The following DYNC2H1 variants were observed in gnomAD, a reference collection of about 807,000 sequenced individuals.
DYNC2H1 encodes cytoplasmic dynein 2 heavy chain 1.
A neutral mutation model predicts 570.0 loss-of-function variants in DYNC2H1; 410 were observed. That is an observed-to-expected ratio of 0.72 (90% confidence interval 0.66 to 0.78). The LOEUF is 0.78. Among genes scored for constraint, DYNC2H1 ranks in the 30% least tolerant of loss-of-function variants. The probability of loss-of-function intolerance (pLI) is 0.00; values close to 1 mark genes in which losing one functional copy is unlikely to be tolerated. For missense variants in DYNC2H1, 4,865 were observed against 5,046.4 expected, an observed-to-expected ratio of 0.96 and a Z score of 1.09; for synonymous variants, 1,688 against 1,677.6, an observed-to-expected ratio of 1.01 and a Z score of -0.15.
At chr11:103,197,697 C>T (rs1316522511) in intron 47 of DYNC2H1, among the ~76,000 whole-genome samples, 1 of 152,168 alleles carries the variant, frequency 6.6e-6, no homozygotes, top group Non-Finnish European at 1.5e-5. Context: ...ATCCTCCTGC[C>T]TTGGCCTCCA....
chr11:103,342,360 C>T (rs2135487937), intron 82 of DYNC2H1, among the ~76,000 whole-genome samples: 1 of 152,240 alleles, frequency 6.6e-6, no homozygotes, highest in African/African-American at 2.4e-5. Context: ...ATCAGCAGGA[C>T]ATGGGCGGGG....
Position 103,459,958 on chromosome 11 carries a change from CAAAAAAAAAAGAA to C in DYNC2H1, c.12648+3613_12648+3625del, listed in dbSNP as rs1318990822. ...TGGGCGACAGAGCGAGACTCCGTCT[CAAAAAAAAAAGAA>C]AAAAAAAAAAAAGCTGAAGGACTTA... On this transcript the variant is annotated intron_variant, in intron 87 of 88. Transcript: ENST00000375735. 3.3e-3 allele frequency among the ~76,000 whole-genome samples: 232 copies of C among 70,864 alleles called. 8 individuals carry two copies. In the East Asian group the frequency reaches 0.096, roughly 29 times the overall value. 46.5% of individuals were successfully genotyped at this position (70,864 alleles called of 152,430 possible).
chr11:103,331,489 A>T (rs1385242161), intron 82 of DYNC2H1, among the ~76,000 whole-genome samples: 1 of 152,178 alleles, frequency 6.6e-6, no homozygotes, highest in Non-Finnish European at 1.5e-5. Context: ...TGCACTGCAA[A>T]AATCACCCTC....
intron 65 of DYNC2H1, 128 bp from the exon 66 acceptor site, chr11:103,253,157 C>G: frequency 1.1e-6 from 1 of 882,764 alleles, no homozygotes; most frequent in Non-Finnish European, 1.6e-6. Flanking sequence ...TCAGGTAACC[C>G]AACTTTTGCC....
rs1289725354 is a variant in DYNC2H1 at position 103,152,210 on chromosome 11, A to G, written c.3021A>G (p.Thr1007=). 6.2e-7 allele frequency: 1 copy of G among 1,609,858 alleles called. No homozygotes were observed. The highest frequency in any genetic ancestry group is 8.5e-7 in the Non-Finnish European group (1 of 1,178,602). Residue 1007 remains threonine (T), a synonymous_variant, in exon 21 of 89, where the codon ACA becomes ACG. Transcript: ENST00000375735. ...CTGTGGCTGGTGGAGGTTTAGAAAC[A>G]ATTAGTAATTTGAAAGCCAAGTGGG... is the stretch of plus-strand genomic sequence containing the variant. ...LRTVAGGGLE[T]ISNLKAKWDK... is the part of the protein sequence containing the mutation.
At chr11:103,448,887 C>T (rs1224420612) in intron 85 of DYNC2H1, among the ~76,000 whole-genome samples, 4 of 151,724 alleles carry the variant, frequency 2.6e-5, no homozygotes, top group Non-Finnish European at 5.9e-5. Flanking sequence ...AGGTATAAAA[C>T]TATAGGTATT....
chr11:103,383,252 G>T (rs542691531), intron 83 of DYNC2H1, among the ~76,000 whole-genome samples: 3 of 152,276 alleles, frequency 2.0e-5, no homozygotes, highest in Non-Finnish European at 4.4e-5. Flanking sequence ...TCACGTTCTT[G>T]TATAGAAATT....
At chr11:103,155,600 G>A in intron 25 of DYNC2H1, 99 bp downstream of exon 25, 1 of 1,189,214 alleles carries the variant, frequency 8.4e-7, no homozygotes, top group Non-Finnish European at 1.1e-6. Flanking sequence ...CTTCCTTTAA[G>A]GGAATCAGCT....
In DYNC2H1 at chr11:103,197,425, A is replaced by G. The variant is rs533281864; in HGVS notation, c.7709-508A>G. 7.2e-5 allele frequency among the ~76,000 whole-genome samples: 11 copies of G among 152,042 alleles called. No individual in the cohort carries two copies. The South Asian group carries it at 2.3e-3, about 32-fold the overall frequency. ...TTTTCAGGTAGAGTTTGATATTGCA[A>G]TTGAAGGTCTTTGTATTTCTTTTCT... On this transcript the variant is annotated intron_variant, in intron 47 of 88. Coordinates refer to ENST00000375735, the MANE Select transcript of DYNC2H1 (RefSeq NM_001377.3).
intron 84 of DYNC2H1, among the ~76,000 whole-genome samples, chr11:103,431,518 T>TA (rs1054015837): frequency 6.6e-6 from 1 of 152,158 alleles, no homozygotes; most frequent in Non-Finnish European, 1.5e-5. Flanking sequence ...ATGGAAATTA[T>TA]AATATTAAGT....
At chr11:103,317,046 T>G (rs1464543110) in intron 80 of DYNC2H1, among the ~76,000 whole-genome samples, 2 of 152,082 alleles carry the variant, frequency 1.3e-5, no homozygotes, top group African/African-American at 2.4e-5. Context: ...ATAAAGCCAT[T>G]TAATCTGACC....
intron 60 of DYNC2H1, among the ~76,000 whole-genome samples, chr11:103,233,828 T>TTG (rs1555076317): frequency 4.0e-5 from 2 of 50,122 alleles, no homozygotes; most frequent in African/African-American, 8.9e-5. Context: ...ATGCTACACT[T>TTG]TATGTGTGTG....
chr11:103,375,204 C>T (rs184820370), intron 83 of DYNC2H1, among the ~76,000 whole-genome samples: 62 of 152,280 alleles, frequency 4.1e-4, no homozygotes, highest in Admixed American at 3.5e-3. Context: ...GCACAGAAAA[C>T]AAGAATTGAG....
At chr11:103,128,455 T>A (rs1022882922) in intron 12 of DYNC2H1, among the ~76,000 whole-genome samples, 1 of 152,192 alleles carries the variant, frequency 6.6e-6, no homozygotes, top group Non-Finnish European at 1.5e-5. Flanking sequence ...GTATAGGCAA[T>A]AGACTTTTGC....
chr11:103,158,209 A>C (rs965768818), intron 26 of DYNC2H1, among the ~76,000 whole-genome samples: 1 of 152,234 alleles, frequency 6.6e-6, no homozygotes, highest in Non-Finnish European at 1.5e-5. Flanking sequence ...GCACTTTGGG[A>C]GGCCGAGGCG....
At chr11:103,224,940 A>T (rs948298049) in intron 59 of DYNC2H1, among the ~76,000 whole-genome samples, 1 of 152,150 alleles carries the variant, frequency 6.6e-6, no homozygotes, top group African/African-American at 2.4e-5. Context: ...TATTATGGCC[A>T]TTCTTGCAAG....
In DYNC2H1 at chr11:103,220,763, A is replaced by G. The variant is rs746092148; in HGVS notation, c.9087A>G (p.Thr3029=). 1 of 1,608,200 alleles carries G rather than the reference A, an allele frequency of 6.2e-7. No individual in the cohort carries two copies. Among genetic ancestry groups the G allele is most frequent in the Non-Finnish European group, 8.5e-7 (1 of 1,177,680 alleles). The change falls in exon 57 of 89, where the codon ACA becomes ACG. Residue 3029 remains threonine, a synonymous_variant. Coordinates refer to ENST00000375735, the MANE Select transcript of DYNC2H1 (RefSeq NM_001377.3). ...TAAGGTTGATGGGTATCTTTGATAC[A>G]TCTTGGGTGAGCATGAAAAGGTACA... The part of the protein sequence containing the change: ...GVLRLMGIFD[T]SWVSMKSFLA...
chr11:103,161,528 A>G (rs1591339441), intron 29 of DYNC2H1, among the ~76,000 whole-genome samples: 2 of 152,174 alleles, frequency 1.3e-5, no homozygotes, highest in Admixed American at 6.6e-5. Flanking sequence ...TCCTTTGAGC[A>G]TCATGTCAAC....
At chr11:103,233,830 ATGTGTGTGTGTGTGTG>A (rs745355739) in intron 60 of DYNC2H1, among the ~76,000 whole-genome samples, 188 bp from the exon 61 acceptor site, 126 of 75,874 alleles carry the variant, frequency 1.7e-3, no homozygotes, top group African/African-American at 5.0e-3. Context: ...GCTACACTTT[ATGTGTGTGTGTGTGTG>A]TGTGTGTGTG....
Sources: allele counts gnomAD v4.1 joint callset (sites outside exome capture counted in the v4.1 genomes callset), GRCh38; gene constraint gnomAD v4.1.1; transcripts MANE v1.5; gene names NCBI Gene and HGNC (gene_info 2026-07-23, HGNC 2026-07-21).